Variants in SYCP2 observed in about 807,000 individuals in gnomAD.
The protein encoded by SYCP2 is synaptonemal complex protein 2.
SYCP2 carries 55 observed loss-of-function variants against 211.3 expected under a neutral mutation model. The ratio of observed to expected loss-of-function variants is 0.26; its 90% CI spans 0.21 to 0.33. SYCP2 has a LOEUF of 0.33. Among genes scored for constraint, SYCP2 ranks in the 10% least tolerant of loss-of-function variants. The pLI, the probability that SYCP2 is intolerant of heterozygous loss-of-function variation, is 1.00. For missense variants in SYCP2, 1,731 were observed against 1,752.0 expected (o/e 0.99, Z 0.21); for synonymous variants, 570 against 555.2 (o/e 1.03, Z -0.37).
chr20:59,866,765 G>A (rs1321000618), intron 39 of SYCP2, among the ~76,000 whole-genome samples, 176 bp from the exon 40 acceptor site: 1 of 151,424 alleles, frequency 6.6e-6, no homozygotes, highest in East Asian at 1.9e-4. Context: ...TGCTCTGAGT[G>A]AACTTATTTA....
chr20:59,903,127 G>A (rs1044376089), intron 15 of SYCP2, among the ~76,000 whole-genome samples: 5 of 151,960 alleles, frequency 3.3e-5, no homozygotes, highest in African/African-American at 1.2e-4. Flanking sequence ...CTATGTTATG[G>A]CTACTTACAT....
intron 24 of SYCP2, among the ~76,000 whole-genome samples, chr20:59,889,540 GT>G (rs1164578303): frequency 6.6e-6 from 1 of 151,722 alleles, no homozygotes; most frequent in Non-Finnish European, 1.5e-5. Context: ...GCATATATAG[GT>G]TTTTTAGTTG....
chr20:59,866,502 C>A lies in SYCP2; in HGVS notation c.4213G>T (p.Asp1405Tyr), dbSNP rs1443420907. 1 of 1,608,160 alleles carries A rather than the reference C, an allele frequency of 6.2e-7. No individual in the cohort carries two copies. Among genetic ancestry groups the A allele is most frequent in the Non-Finnish European group, 8.5e-7 (1 of 1,177,416 alleles). Reference sequence around the variant, plus strand: ...CAGATTTTTATTACAGACCTAGAGTCCTGACTTTGATGATTCATTGTTCTC... The same window carrying A: ...CAGATTTTTATTACAGACCTAGAGTACTGACTTTGATGATTCATTGTTCTC... Reference protein sequence around the residue: ...HLRTMNHQSQDSRIKKLDKFQ... With the variant: ...HLRTMNHQSQYSRIKKLDKFQ... The change falls in exon 40 of 45, where the codon GAC (aspartate) becomes TAC (tyrosine). Residue 1405 changes from aspartate to tyrosine, a missense_variant. By Grantham distance (160) the Asp-to-Tyr change is radical. This residue lies in a region of SYCP2 where 1,387 missense variants were observed against 1,351.3 expected (regional missense o/e 1.03). Coordinates refer to ENST00000357552, the MANE Select transcript of SYCP2 (RefSeq NM_014258.4).
At chr20:59,895,819 T>C (rs565899198) in intron 19 of SYCP2, among the ~76,000 whole-genome samples, 2 of 152,040 alleles carry the variant, frequency 1.3e-5, no homozygotes, top group Non-Finnish European at 2.9e-5. Context: ...ACCTATTACA[T>C]TTGGGGAGCC....
intron 25 of SYCP2, 113 bp from the exon 26 acceptor site, chr20:59,886,077 AC>A: frequency 1.3e-6 from 1 of 784,580 alleles, no homozygotes. Flanking sequence ...GTTAAAAATA[AC>A]CAAAATGTAA....
intron 6 of SYCP2, 31 bp downstream of exon 6, chr20:59,919,462 T>C (rs1044280809): frequency 7.1e-7 from 1 of 1,415,504 alleles, no homozygotes; most frequent in Non-Finnish European, 9.9e-7. Flanking sequence ...ACATGCTTTA[T>C]AAATATCAGT....
rs773151840 is a variant in SYCP2, at chr20:59,893,207, A to C, written c.1736-8T>G. 3 of 1,579,826 alleles carry C rather than the reference A, an allele frequency of 1.9e-6. No individual in the cohort carries two copies. Among genetic ancestry groups the C allele is most frequent in the South Asian group, 2.3e-5 (2 of 87,980 alleles). On this transcript the variant is annotated splice_region_variant and splice_polypyrimidine_tract_variant and intron_variant, in intron 21 of 44. Transcript: ENST00000357552. ...TAACATCCTGGAGTTCACCTAAATA[A>C]AACAAATATTATAATATTTTCATTT...
chr20:59,868,198 TAGTA>T (rs1037212721), intron 38 of SYCP2, among the ~76,000 whole-genome samples: 4 of 151,898 alleles, frequency 2.6e-5, no homozygotes, highest in African/African-American at 9.6e-5. Context: ...CTAAATGTGA[TAGTA>T]AGTGACAGAA....
intron 33 of SYCP2, among the ~76,000 whole-genome samples, chr20:59,876,750 C>T (rs1341196768): frequency 6.6e-6 from 1 of 151,870 alleles, no homozygotes; most frequent in South Asian, 2.1e-4. Context: ...ACATTGTAAG[C>T]ACTACATATA....
intron 7 of SYCP2, among the ~76,000 whole-genome samples, chr20:59,917,171 A>C (rs2060458864): frequency 6.6e-6 from 1 of 152,178 alleles, no homozygotes. Flanking sequence ...TTCAAAATTG[A>C]AAACTTCAAT....
At chr20:59,871,073 T>C (rs1471599592) in intron 35 of SYCP2, among the ~76,000 whole-genome samples, 1 of 151,882 alleles carries the variant, frequency 6.6e-6, no homozygotes, top group East Asian at 1.9e-4. Context: ...ACTGAAAATA[T>C]ACATACTAGG....
intron 35 of SYCP2, among the ~76,000 whole-genome samples, chr20:59,873,449 A>G (rs2059492210): frequency 6.6e-6 from 1 of 152,208 alleles, no homozygotes; most frequent in Admixed American, 6.6e-5. Flanking sequence ...ACGTCCCAGG[A>G]GGGACAGAGT....
chr20:59,924,856 C>T (rs981066586), intron 2 of SYCP2, among the ~76,000 whole-genome samples: 2 of 151,942 alleles, frequency 1.3e-5, no homozygotes, highest in African/African-American at 4.8e-5. Flanking sequence ...ATACACATGA[C>T]TTGACTTATG....
At chr20:59,910,466 C>T (rs1048194601) in intron 14 of SYCP2, among the ~76,000 whole-genome samples, 12 of 147,712 alleles carry the variant, frequency 8.1e-5, no homozygotes, top group African/African-American at 2.5e-4. Flanking sequence ...CTGCAAGCTC[C>T]GCTTCCTGGG....
At chr20:59,894,800 ACCT>A (rs1402002013) in intron 20 of SYCP2, among the ~76,000 whole-genome samples, 1 of 151,950 alleles carries the variant, frequency 6.6e-6, no homozygotes, top group Non-Finnish European at 1.5e-5. Context: ...ATCGCTGATC[ACCT>A]CCTGTTTCTC....
intron 24 of SYCP2, among the ~76,000 whole-genome samples, chr20:59,887,101 A>G (rs1303133002): frequency 6.6e-6 from 1 of 152,074 alleles, no homozygotes; most frequent in African/African-American, 2.4e-5. Flanking sequence ...TGCTGCACCC[A>G]TTAACTCGTC....
Position 59,866,300 on chromosome 20 carries a change from T to G in SYCP2, c.4313A>C (p.Glu1438Ala). Residue 1438 changes from glutamate (E) to alanine (A), a missense_variant, in exon 41 of 45, where the codon GAA becomes GCA. By Grantham distance (107) the Glu-to-Ala change is moderately radical (BLOSUM62 -1). Transcript: ENST00000357552. ...ATTTTTAAAGTAACAAACCACAAAT[T>G]CCTTTTCCAAATCTTTTAAAGACTG... ...DSQSLKDLEK[E>A]FVDFWEKIFQ... 6.3e-7 allele frequency: 1 copy of G among 1,578,114 alleles called. No individual in the cohort carries two copies. Among genetic ancestry groups the G allele is most frequent in the East Asian group, 2.3e-5 (1 of 44,406 alleles).
At chr20:59,882,416 A>AG (rs751632802) in intron 26 of SYCP2, among the ~76,000 whole-genome samples, 5 of 152,158 alleles carry the variant, frequency 3.3e-5, no homozygotes, top group African/African-American at 4.8e-5. Context: ...AACTAAAAAT[A>AG]GAACTACAGT....
At chr20:59,893,969 T>G (rs2059959033) in intron 20 of SYCP2, among the ~76,000 whole-genome samples, 1 of 152,076 alleles carries the variant, frequency 6.6e-6, no homozygotes, top group Non-Finnish European at 1.5e-5. Flanking sequence ...TTCTTATATT[T>G]CACTTTTCCT....
Sources: gnomAD v4.1 joint callset for allele counts (sites outside exome capture counted in the v4.1 genomes callset) on GRCh38, gnomAD v4.1.1 for gene constraint, gnomAD v4.1.1 regional missense constraint, MANE v1.5 for transcripts, NCBI Gene and HGNC (gene_info 2026-07-23, HGNC 2026-07-21) for gene names.